The following NCOA1 variants were observed in gnomAD, a reference collection of about 807,000 sequenced individuals.
NCOA1 encodes nuclear receptor coactivator 1.
In NCOA1, 35 loss-of-function variants were observed where a neutral mutation model predicts 150.9. The ratio of observed to expected loss-of-function variants is 0.23; its 90% CI spans 0.18 to 0.31. The LOEUF (loss-of-function observed/expected upper bound fraction) is 0.31. NCOA1 is among the 10% of genes least tolerant of loss of function. NCOA1 has a pLI of 1.00. For synonymous variants in NCOA1, 590 were observed against 630.0 expected (o/e 0.94, Z 0.95); for missense variants, 1,491 against 1,749.3 (o/e 0.85, Z 2.63).
chr2:24,719,779 G>C (rs1674266055), intron 14 of NCOA1, among the ~76,000 whole-genome samples: 1 of 152,154 alleles, frequency 6.6e-6, no homozygotes. Context: ...TAGAAAGGAG[G>C]CCTCCAGAGA....
chr2:24,530,366 TA>T (rs1664832227), intron 1 of NCOA1, among the ~76,000 whole-genome samples: 1 of 152,230 alleles, frequency 6.6e-6, no homozygotes, highest in South Asian at 2.1e-4. Context: ...ACAGGTATTT[TA>T]TTTTGAGGAA....
chr2:24,678,085 T>G (rs1372856139), intron 7 of NCOA1, among the ~76,000 whole-genome samples: 2 of 152,154 alleles, frequency 1.3e-5, no homozygotes, highest in Admixed American at 6.5e-5. Flanking sequence ...CTCTGCCATG[T>G]GTCCATGTGT....
In NCOA1 at chr2:24,768,471, T is replaced by C; in HGVS notation, c.*80T>C. ...ATATTATATATTTTTCTGAGATTTTTGATATCTCAATCTGCAGCCATTCTT... is the reference window on the plus strand; with the variant it reads ...ATATTATATATTTTTCTGAGATTTTCGATATCTCAATCTGCAGCCATTCTT... On this transcript the variant is annotated 3_prime_UTR_variant, in exon 23 of 23. Coordinates refer to ENST00000348332, the MANE Select transcript of NCOA1 (RefSeq NM_003743.5). The C allele has an allele frequency of 9.8e-7, 1 of 1,016,114 alleles. No individual in the cohort carries two copies. The highest frequency in any genetic ancestry group is 1.3e-6 in the Non-Finnish European group (1 of 777,508). The allele number at this position is 1,016,114 out of a possible 1,614,324, so 62.9% of individuals were successfully genotyped here.
At chr2:24,706,251 A>G (rs1002317337) in intron 12 of NCOA1, among the ~76,000 whole-genome samples, 2 of 152,116 alleles carry the variant, frequency 1.3e-5, no homozygotes, top group African/African-American at 4.8e-5. Flanking sequence ...AAAAGAACAT[A>G]TATTGGATTT....
At chr2:24,625,751 GT>G (rs34945090) in intron 3 of NCOA1, among the ~76,000 whole-genome samples, 107,779 of 143,602 alleles carry the variant, frequency 0.75, 41,829 homozygotes, top group Non-Finnish European at 0.85. Flanking sequence ...TTTCTGTTTT[GT>G]TTTTTTTTTT....
At chr2:24,748,244 A>C (rs745837915) in intron 19 of NCOA1, among the ~76,000 whole-genome samples, 1 of 152,194 alleles carries the variant, frequency 6.6e-6, no homozygotes, top group Non-Finnish European at 1.5e-5. Flanking sequence ...AATAAACCCT[A>C]TCTAGTGAAA....
chr2:24,629,813 C>CATGCATATATATATAT, intron 3 of NCOA1, among the ~76,000 whole-genome samples: 1 of 77,340 alleles, frequency 1.3e-5, no homozygotes, highest in African/African-American at 5.0e-5. Context: ...AAGTAACATA[C>CATGCATATATATATAT]ATACATATAT....
intron 3 of NCOA1, among the ~76,000 whole-genome samples, chr2:24,638,887 G>T (rs914220490): frequency 6.6e-6 from 1 of 152,206 alleles, no homozygotes; most frequent in Non-Finnish European, 1.5e-5. Flanking sequence ...TGAGTTCCTT[G>T]TATATTCTGG....
chr2:24,764,182 G>C (rs1664935045), intron 22 of NCOA1, among the ~76,000 whole-genome samples: 1 of 152,140 alleles, frequency 6.6e-6, no homozygotes, highest in African/African-American at 2.4e-5. Context: ...AACATGAGGA[G>C]GTTTAACTAC....
At chr2:24,687,438 T>G (rs1170444628) in intron 8 of NCOA1, among the ~76,000 whole-genome samples, 1 of 151,764 alleles carries the variant, frequency 6.6e-6, no homozygotes, top group Non-Finnish European at 1.5e-5. Context: ...GTCATGGGGG[T>G]TTGTTGTACA....
Position 24,762,667 on chromosome 2 carries a change from C to G in NCOA1, c.4066-20C>G. The G allele has an allele frequency of 1.2e-6, 2 of 1,601,876 alleles. No homozygotes were observed. Among genetic ancestry groups the G allele is most frequent in the Non-Finnish European group, 1.7e-6 (2 of 1,170,832 alleles). On this transcript the variant is annotated intron_variant, in intron 21 of 22. Transcript: ENST00000348332. Reference sequence around the variant, plus strand: ...TTAAACAACTAGCTTGTAATTTGATCTTGTATTTATCTTTAATAGATAAAT... The same window carrying G: ...TTAAACAACTAGCTTGTAATTTGATGTTGTATTTATCTTTAATAGATAAAT...
At chr2:24,550,372 CT>C (rs1480394193) in intron 1 of NCOA1, among the ~76,000 whole-genome samples, 2 of 152,208 alleles carry the variant, frequency 1.3e-5, no homozygotes, top group African/African-American at 4.8e-5. Flanking sequence ...GTTTAATGGA[CT>C]TACATTTCCA....
intron 6 of NCOA1, among the ~76,000 whole-genome samples, chr2:24,669,860 G>A (rs925286944): frequency 6.6e-6 from 1 of 152,102 alleles, no homozygotes; most frequent in African/African-American, 2.4e-5. Flanking sequence ...AGATAAGGCT[G>A]GGTGCTGTGG....
chr2:24,684,316 G>A (rs1464950749), intron 8 of NCOA1, among the ~76,000 whole-genome samples: 1 of 152,138 alleles, frequency 6.6e-6, no homozygotes, highest in Non-Finnish European at 1.5e-5. Flanking sequence ...GTTGGGTTTA[G>A]CAGCCTTCCT....
At chr2:24,514,451 C>G (rs1664077223) in intron 1 of NCOA1, among the ~76,000 whole-genome samples, 1 of 151,870 alleles carries the variant, frequency 6.6e-6, no homozygotes, top group African/African-American at 2.4e-5. Context: ...GCAATTGTGA[C>G]TTAAAATAAA....
At chr2:24,544,125 C>G (rs750879361) in intron 1 of NCOA1, among the ~76,000 whole-genome samples, 2 of 151,720 alleles carry the variant, frequency 1.3e-5, no homozygotes, top group African/African-American at 4.8e-5. Context: ...GAGAAGAGGA[C>G]CAACCTAGTC....
At chr2:24,508,114 G>C (rs1419647664) in intron 1 of NCOA1, among the ~76,000 whole-genome samples, 1 of 152,012 alleles carries the variant, frequency 6.6e-6, no homozygotes, top group Non-Finnish European at 1.5e-5. Context: ...CTTCTGGGAA[G>C]GTTCCATTTG....
At chr2:24,656,074 C>T (rs1414930510) in intron 4 of NCOA1, among the ~76,000 whole-genome samples, 2 of 128,400 alleles carry the variant, frequency 1.6e-5, no homozygotes, top group Non-Finnish European at 3.1e-5. Context: ...GGCGACAGAG[C>T]GAGACTCCGT....
At position 24,707,025 on chromosome 2, in the gene NCOA1, G is replaced by A. The variant is rs144856306; in HGVS notation, c.1555G>A (p.Val519Ile). 64 of 1,613,960 alleles carry A rather than the reference G, an allele frequency of 4.0e-5. No homozygotes were observed. The highest frequency in any genetic ancestry group is 8.9e-5 in the East Asian group (4 of 44,902). Residue 519 changes from valine to isoleucine, a missense_variant, in exon 13 of 23, where the codon GTT becomes ATT. Physicochemically the swap from Val to Ile is conservative, Grantham distance 29. Around this residue, in one of 8 missense-constraint regions of NCOA1, gnomAD observed 703 missense variants for 717.7 expected, o/e 0.98. Coordinates refer to ENST00000348332, the MANE Select transcript of NCOA1 (RefSeq NM_003743.5). ...PPNISTLSSP[V>I]GMTSSACNNN... is the part of the protein sequence containing the mutation. ...TAATATTTCGACATTAAGCTCTCCCGTTGGCATGACAAGTAGTGCCTGTAA... is the reference window on the plus strand; with the variant it reads ...TAATATTTCGACATTAAGCTCTCCCATTGGCATGACAAGTAGTGCCTGTAA...
Sources: gnomAD v4.1 joint callset for allele counts (sites outside exome capture counted in the v4.1 genomes callset) on GRCh38, gnomAD v4.1.1 for gene constraint, gnomAD v4.1.1 regional missense constraint, MANE v1.5 for transcripts, NCBI Gene and HGNC (gene_info 2026-07-23, HGNC 2026-07-21) for gene names.